Variants in PDLIM5 observed in about 807,000 individuals in gnomAD.
PDLIM5 encodes PDZ and LIM domain protein 5.
A neutral mutation model predicts 64.2 loss-of-function variants in PDLIM5; 34 were observed. That is an observed-to-expected ratio of 0.53 (90% confidence interval 0.40 to 0.71). The LOEUF is 0.71. Among genes scored for constraint, PDLIM5 ranks in the 30% least tolerant of loss-of-function variants. PDLIM5 has a pLI of 0.00. For missense variants in PDLIM5, 683 were observed against 733.6 expected (o/e 0.93, Z 0.80); for synonymous variants, 253 against 269.1 (o/e 0.94, Z 0.59).
chr4:94,615,527 G>A (rs1738709114), intron 7 of PDLIM5, among the ~76,000 whole-genome samples: 1 of 152,260 alleles, frequency 6.6e-6, no homozygotes, highest in African/African-American at 2.4e-5. Flanking sequence ...GAAAAAAAAG[G>A]TAGAATTGTG....
intron 2 of PDLIM5, among the ~76,000 whole-genome samples, chr4:94,469,772 G>A (rs1724685113): frequency 6.6e-6 from 1 of 152,006 alleles, no homozygotes; most frequent in African/African-American, 2.4e-5. Flanking sequence ...AAATTCCAGG[G>A]CAAGAATTTA....
At chr4:94,530,766 G>A (rs1221313345) in intron 3 of PDLIM5, among the ~76,000 whole-genome samples, 1 of 152,064 alleles carries the variant, frequency 6.6e-6, no homozygotes, top group Non-Finnish European at 1.5e-5. Context: ...ATTGCCAGAG[G>A]TCCAAATACT....
At chr4:94,558,335 A>G (rs1733540761) in intron 3 of PDLIM5, among the ~76,000 whole-genome samples, 2 of 152,080 alleles carry the variant, frequency 1.3e-5, no homozygotes, top group Admixed American at 6.6e-5. Flanking sequence ...TATTTTCTTG[A>G]TATTGTGCTG....
chr4:94,648,186 A>G (rs1262780666), intron 9 of PDLIM5, among the ~76,000 whole-genome samples: 1 of 152,210 alleles, frequency 6.6e-6, no homozygotes, highest in African/African-American at 2.4e-5. Context: ...GAAATCGAGA[A>G]TTTAAAAAAA....
At chr4:94,459,672 T>C (rs1421781704) in intron 2 of PDLIM5, among the ~76,000 whole-genome samples, 3 of 152,234 alleles carry the variant, frequency 2.0e-5, no homozygotes, top group African/African-American at 7.2e-5. Flanking sequence ...TCGTAAGACC[T>C]GTCACAAGTC....
At chr4:94,568,413 T>C (rs912152341) in intron 3 of PDLIM5, among the ~76,000 whole-genome samples, 2 of 152,220 alleles carry the variant, frequency 1.3e-5, no homozygotes, top group Admixed American at 6.5e-5. Flanking sequence ...AAACCCTTTA[T>C]TGAAATGGTA....
intron 2 of PDLIM5, among the ~76,000 whole-genome samples, chr4:94,481,593 GTTGTT>G (rs1424719883): frequency 6.6e-6 from 1 of 150,722 alleles, no homozygotes; most frequent in African/African-American, 2.4e-5. Flanking sequence ...TATTCCAGTT[GTTGTT>G]TTGTTTTATT....
chr4:94,600,917 A>G (rs1347808979), intron 7 of PDLIM5, among the ~76,000 whole-genome samples: 1 of 152,254 alleles, frequency 6.6e-6, no homozygotes, highest in African/African-American at 2.4e-5. Context: ...AGAATACTCT[A>G]GATAACTAAA....
At position 94,657,480 on chromosome 4, in the gene PDLIM5, A is replaced by C; in HGVS notation, c.1518A>C (p.Val506=). Residue 506 remains valine, a synonymous_variant, in exon 11 of 13, where the codon GTA becomes GTC. Coordinates refer to ENST00000317968, the MANE Select transcript of PDLIM5 (RefSeq NM_006457.5). ...GGCATGTTTCCTGTTTTGTGTGTGT[A>C]GCCTGTGGAAAGCCCATTCGGAACA... The part of the protein sequence containing the change: ...QTWHVSCFVC[V]ACGKPIRNNV... 6.2e-7 allele frequency: 1 copy of C among 1,606,490 alleles called. No homozygotes were observed. The highest frequency in any genetic ancestry group is 8.5e-7 in the Non-Finnish European group (1 of 1,173,032).
At chr4:94,660,906 T>G (rs2110505350) in intron 11 of PDLIM5, among the ~76,000 whole-genome samples, 1 of 132,144 alleles carries the variant, frequency 7.6e-6, no homozygotes, top group Admixed American at 8.0e-5. Context: ...AACCCTGTCT[T>G]TACTAAAAAT....
At chr4:94,595,821 A>G (rs1232463544) in intron 7 of PDLIM5, among the ~76,000 whole-genome samples, 1 of 152,194 alleles carries the variant, frequency 6.6e-6, no homozygotes, top group Non-Finnish European at 1.5e-5. Flanking sequence ...AGCAGGAATT[A>G]TTCCCTAGCC....
chr4:94,650,507 G>A (rs138260957), intron 9 of PDLIM5, among the ~76,000 whole-genome samples: 209 of 152,250 alleles, frequency 1.4e-3, no homozygotes, highest in Middle Eastern at 6.8e-3. Context: ...AAAATCTGTT[G>A]TGGTTGGGCT....
At chr4:94,600,807 G>A (rs557459605) in intron 7 of PDLIM5, among the ~76,000 whole-genome samples, 56 of 152,172 alleles carry the variant, frequency 3.7e-4, no homozygotes, top group Non-Finnish European at 5.7e-4. Context: ...GTCATTACAC[G>A]TTAAAATCTT....
At chr4:94,538,275 G>T (rs1283741113) in intron 3 of PDLIM5, among the ~76,000 whole-genome samples, 1 of 144,928 alleles carries the variant, frequency 6.9e-6, no homozygotes, top group Non-Finnish European at 1.5e-5. Context: ...GAATTACAAT[G>T]CATGGTTAAG....
rs371955225 is a variant in PDLIM5 at position 94,635,463 on chromosome 4, GA to G, written c.1109-4803del. Among the ~76,000 whole-genome samples, 121 of 147,728 alleles carry G rather than the reference GA, an allele frequency of 8.2e-4. 1 individual carries two copies. The highest frequency in any genetic ancestry group is 2.7e-3 in the African/African-American group (108 of 40,382). ...TTAATGTTATCATTAGAACTTAAAA[GA>G]AAAAAAAAACTGTGATGACAAGTAG... On this transcript the variant is annotated intron_variant, in intron 8 of 12. Transcript: ENST00000317968.
chr4:94,575,755 C>A lies in PDLIM5; in HGVS notation c.431C>A (p.Pro144Gln). The A allele has an allele frequency of 6.2e-7, 1 of 1,614,146 alleles. No homozygotes were observed. The highest frequency in any genetic ancestry group is 2.2e-5 in the East Asian group (1 of 44,882). ...SVSSPKVTSI[P>Q]SPSSAFTPAH... ...TCTTCACCAAAAGTCACATCCATCC[C>A]ATCACCATCGTCTGCCTTCACCCCA... is the stretch of plus-strand genomic sequence containing the variant. The change falls in exon 5 of 13, where the codon CCA (proline) becomes CAA (glutamine). Residue 144 changes from proline (P) to glutamine (Q), a missense_variant. By Grantham distance (76) the Pro-to-Gln change is moderately conservative (BLOSUM62 -1). Coordinates refer to ENST00000317968, the MANE Select transcript of PDLIM5 (RefSeq NM_006457.5).
intron 3 of PDLIM5, among the ~76,000 whole-genome samples, chr4:94,534,321 T>C (rs960366508): frequency 3.9e-5 from 6 of 152,244 alleles, no homozygotes; most frequent in African/African-American, 1.4e-4. Context: ...GTTTTTCTGA[T>C]ACTTTTAGAA....
chr4:94,633,089 T>G (rs916880185), intron 8 of PDLIM5, among the ~76,000 whole-genome samples: 3 of 152,208 alleles, frequency 2.0e-5, no homozygotes, highest in Non-Finnish European at 4.4e-5. Flanking sequence ...GCATTATGAT[T>G]ATGTTTTTAA....
chr4:94,520,441 C>T (rs2433325), intron 2 of PDLIM5, among the ~76,000 whole-genome samples: 30,561 of 152,006 alleles, frequency 0.2, 3,519 homozygotes, highest in East Asian at 0.28. Context: ...CTATTCAGAC[C>T]TGAAAAACAG....
Sources: allele counts gnomAD v4.1 joint callset (sites outside exome capture counted in the v4.1 genomes callset), GRCh38; gene constraint gnomAD v4.1.1; transcripts MANE v1.5; gene names NCBI Gene and HGNC (gene_info 2026-07-23, HGNC 2026-07-21).